The following ANO6 variants were observed in gnomAD, a reference collection of about 807,000 sequenced individuals.
The protein encoded by ANO6 is anoctamin-6.
In ANO6, 106 loss-of-function variants were observed where a neutral mutation model predicts 117.5. That is an observed-to-expected ratio of 0.90 (90% CI 0.77 to 1.06). The LOEUF is 1.06. Among genes scored for constraint, ANO6 ranks in the 50% least tolerant of loss-of-function variants. The pLI, the probability that ANO6 is intolerant of heterozygous loss-of-function variation, is 0.00. For missense variants in ANO6, 955 were observed against 1,121.1 expected (o/e 0.85, Z 2.12); for synonymous variants, 367 against 385.1 (o/e 0.95, Z 0.55).
At chr12:45,288,037 C>T (rs1271649919) in intron 1 of ANO6, among the ~76,000 whole-genome samples, 1 of 152,116 alleles carries the variant, frequency 6.6e-6, no homozygotes, top group Non-Finnish European at 1.5e-5. Flanking sequence ...ACGAGAGTCC[C>T]CTCCACCCGT....
intron 1 of ANO6, among the ~76,000 whole-genome samples, chr12:45,263,034 G>T (rs1324452183): frequency 6.6e-6 from 1 of 151,962 alleles, no homozygotes; most frequent in East Asian, 1.9e-4. Flanking sequence ...GGTATAATTT[G>T]CATAATCATT....
At chr12:45,379,054 T>A (rs1022038421) in intron 10 of ANO6, among the ~76,000 whole-genome samples, 1 of 152,202 alleles carries the variant, frequency 6.6e-6, no homozygotes, top group Non-Finnish European at 1.5e-5. Flanking sequence ...TGTTCTAACG[T>A]AGAAGAAAAA....
At chr12:45,418,684 C>T (rs756130291) in intron 17 of ANO6, among the ~76,000 whole-genome samples, 5 of 152,144 alleles carry the variant, frequency 3.3e-5, no homozygotes, top group African/African-American at 1.2e-4. Context: ...TGCCATGGCT[C>T]TACTCCATGA....
At chr12:45,370,829 T>G (rs1941806009) in intron 9 of ANO6, among the ~76,000 whole-genome samples, 1 of 152,072 alleles carries the variant, frequency 6.6e-6, no homozygotes, top group Admixed American at 6.5e-5. Context: ...TCCTTGAGGT[T>G]TTTTAGAAGA....
intron 19 of ANO6, among the ~76,000 whole-genome samples, chr12:45,438,527 C>CA (rs1290910604): frequency 6.6e-6 from 1 of 152,122 alleles, no homozygotes; most frequent in East Asian, 1.9e-4. Flanking sequence ...ACCCAAAACA[C>CA]ACTTTGTTCA....
At chr12:45,264,396 C>T (rs2137219252) in intron 1 of ANO6, among the ~76,000 whole-genome samples, 1 of 152,252 alleles carries the variant, frequency 6.6e-6, no homozygotes, top group South Asian at 2.1e-4. Context: ...TTCATCTTGG[C>T]CTCTTTGTTT....
chr12:45,227,391 C>A (rs1294207075), intron 1 of ANO6, among the ~76,000 whole-genome samples: 4 of 152,148 alleles, frequency 2.6e-5, no homozygotes, highest in Non-Finnish European at 4.4e-5. Flanking sequence ...AGAGGAAAGT[C>A]TTACGGTCAG....
chr12:45,398,056 G>A (rs1212539801), intron 12 of ANO6, among the ~76,000 whole-genome samples: 1 of 151,868 alleles, frequency 6.6e-6, no homozygotes, highest in Non-Finnish European at 1.5e-5. Context: ...ACTAGCAATA[G>A]AAAACGTTTC....
At chr12:45,388,800 G>A (rs1041428848) in intron 11 of ANO6, among the ~76,000 whole-genome samples, 14 of 152,108 alleles carry the variant, frequency 9.2e-5, no homozygotes, top group Non-Finnish European at 1.6e-4. Flanking sequence ...TAAAGTTGGA[G>A]AAAGGATGGA....
At chr12:45,248,502 C>T (rs1947857327) in intron 1 of ANO6, among the ~76,000 whole-genome samples, 1 of 144,034 alleles carries the variant, frequency 6.9e-6, no homozygotes, top group Non-Finnish European at 1.5e-5. Context: ...GGCATGATCT[C>T]GGTTCATTGC....
At chr12:45,332,078 G>A (rs1209642716) in intron 3 of ANO6, among the ~76,000 whole-genome samples, 2 of 151,914 alleles carry the variant, frequency 1.3e-5, no homozygotes, top group Non-Finnish European at 2.9e-5. Flanking sequence ...GCTTTTTTAA[G>A]TAAAAGGCCA....
rs184812614 is a variant in ANO6, at chr12:45,428,972, G to A, written c.2527-133G>A. ...CTGTTGATTAGACACAATGGCATTAGCGGTTGGTTGTGTGTGTAAAATGTC... is the reference window on the plus strand; with the variant it reads ...CTGTTGATTAGACACAATGGCATTAACGGTTGGTTGTGTGTGTAAAATGTC... On this transcript the variant is annotated intron_variant, in intron 19 of 19. Coordinates refer to ENST00000320560, the MANE Select transcript of ANO6 (RefSeq NM_001025356.3). The A allele has an allele frequency of 4.6e-5, 46 of 998,356 alleles. 1 individual carries two copies. The African/African-American group carries it at 6.9e-4, about 15-fold the overall frequency. The allele number at this position is 998,356 out of a possible 1,614,324, so 61.8% of individuals were successfully genotyped here.
At chr12:45,390,393 G>A (rs373079476) in intron 11 of ANO6, 28 bp from the exon 12 acceptor site, 4 of 1,556,050 alleles carry the variant, frequency 2.6e-6, no homozygotes, top group Non-Finnish European at 3.5e-6. Context: ...TCCCTTGATT[G>A]ACTAAACTTT....
intron 15 of ANO6, 47 bp from the exon 16 acceptor site, chr12:45,409,310 T>C: frequency 6.2e-7 from 1 of 1,609,218 alleles, no homozygotes; most frequent in Non-Finnish European, 8.5e-7. Flanking sequence ...TTTATGACCT[T>C]GGCCTGATAA....
chr12:45,363,209 T>C (rs1593015313), intron 8 of ANO6, among the ~76,000 whole-genome samples: 1 of 152,256 alleles, frequency 6.6e-6, no homozygotes, highest in East Asian at 1.9e-4. Context: ...TTGAATATTA[T>C]GTCAGCACTT....
At chr12:45,336,320 GATAGT>G (rs1940823854) in intron 3 of ANO6, among the ~76,000 whole-genome samples, 1 of 151,984 alleles carries the variant, frequency 6.6e-6, no homozygotes, top group Non-Finnish European at 1.5e-5. Flanking sequence ...TATTATAACT[GATAGT>G]ATAGTATAAC....
chr12:45,404,660 C>T (rs192336311), intron 15 of ANO6, among the ~76,000 whole-genome samples: 4 of 152,188 alleles, frequency 2.6e-5, no homozygotes, highest in Non-Finnish European at 4.4e-5. Context: ...TCACCTCTCC[C>T]GCCTTCTGTC....
At chr12:45,309,117 AG>A (rs1939768950) in intron 2 of ANO6, among the ~76,000 whole-genome samples, 1 of 152,092 alleles carries the variant, frequency 6.6e-6, no homozygotes, top group Non-Finnish European at 1.5e-5. Context: ...CAGGATGGCA[AG>A]GGCTGGGGTG....
At chr12:45,417,503 C>T (rs796166056) in intron 17 of ANO6, among the ~76,000 whole-genome samples, 5 of 152,300 alleles carry the variant, frequency 3.3e-5, no homozygotes, top group South Asian at 2.1e-4. Context: ...GAAGCAGCCT[C>T]ATGCCCTGTA....
Sources: allele counts gnomAD v4.1 joint callset (sites outside exome capture counted in the v4.1 genomes callset), GRCh38; gene constraint gnomAD v4.1.1; transcripts MANE v1.5; gene names NCBI Gene and HGNC (gene_info 2026-07-23, HGNC 2026-07-21).